Variants in DSCAML1 observed in about 807,000 individuals in gnomAD.
DSCAML1 encodes cell adhesion molecule DSCAML1.
In DSCAML1, 38 loss-of-function variants were observed where a neutral mutation model predicts 200.5. That is an observed-to-expected ratio of 0.19 (90% CI 0.15 to 0.25). The LOEUF (loss-of-function observed/expected upper bound fraction) is 0.25. Ranked by LOEUF, DSCAML1 falls within the 10% of genes least tolerant of loss-of-function variation. The pLI is 1.00. For synonymous variants in DSCAML1, 1,215 were observed against 1,165.0 expected (o/e 1.04, Z -0.87); for missense variants, 2,223 against 2,858.8 (o/e 0.78, Z 5.07).
chr11:117,814,202 C>T lies in DSCAML1; in HGVS notation c.-250+3188G>A, dbSNP rs889647380. ...CATTATCTTCCCAAATCCTATAAAA[C>T]GGCCCCACCCCTATCTCCCTTCGCT... On this transcript the variant is annotated intron_variant, in intron 1 of 2. Transcript: ENST00000525836. Among the ~76,000 whole-genome samples, 3 of 151,492 alleles carry T rather than the reference C, an allele frequency of 2.0e-5. No homozygotes were observed. In the East Asian group the frequency reaches 5.9e-4, roughly 30 times the overall value.
chr11:117,579,872 A>G (rs537781188), intron 3 of DSCAML1, among the ~76,000 whole-genome samples: 1 of 152,348 alleles, frequency 6.6e-6, no homozygotes, highest in South Asian at 2.1e-4. Context: ...ATCTTTAATA[A>G]TTAATTTTGT....
At chr11:117,760,330 G>A (rs573611353) in intron 3 of DSCAML1, among the ~76,000 whole-genome samples, 7 of 152,272 alleles carry the variant, frequency 4.6e-5, no homozygotes, top group African/African-American at 7.2e-5. Context: ...CCAGCCCATC[G>A]CCTCCTCCTC....
At chr11:117,744,650 G>C (rs2054483668) in intron 3 of DSCAML1, among the ~76,000 whole-genome samples, 1 of 152,234 alleles carries the variant, frequency 6.6e-6, no homozygotes, top group Non-Finnish European at 1.5e-5. Flanking sequence ...CCAGTAGCCA[G>C]AGCCCCGGGG....
chr11:117,476,178 AG>A (rs2048788113), intron 14 of DSCAML1, among the ~76,000 whole-genome samples: 1 of 152,198 alleles, frequency 6.6e-6, no homozygotes, highest in South Asian at 2.1e-4. Context: ...CTTAAAAATA[AG>A]GAAGCGGCTG....
In DSCAML1 at chr11:117,469,494, C is replaced by T. The variant is rs1024599999; in HGVS notation, c.3024+416G>A. On this transcript the variant is annotated intron_variant, in intron 16 of 32. Coordinates refer to ENST00000651296, the MANE Select transcript of DSCAML1 (RefSeq NM_020693.4). The surrounding 1 kb of genome is among the most constrained non-coding windows in gnomAD (Gnocchi z 4.1). ...TAGTGGTCTCTTTTCTCTACAGTTT[C>T]TCCACCCTCAGAGGTAGGGAGGGCA... Among the ~76,000 whole-genome samples the T allele has an allele frequency of 6.6e-6, 1 of 152,178 alleles. No individual in the cohort carries two copies. Among genetic ancestry groups the T allele is most frequent in the Non-Finnish European group, 1.5e-5 (1 of 68,024 alleles).
chr11:117,739,676 C>G (rs567206009), intron 3 of DSCAML1, among the ~76,000 whole-genome samples: 5 of 152,308 alleles, frequency 3.3e-5, no homozygotes, highest in African/African-American at 1.2e-4. Flanking sequence ...CTGTACGACT[C>G]AAAGGCAACA....
chr11:117,505,084 C>T lies in DSCAML1; in HGVS notation c.2063-41G>A, dbSNP rs932703330. On this transcript the variant is annotated intron_variant, in intron 9 of 32. Coordinates refer to ENST00000651296, the MANE Select transcript of DSCAML1 (RefSeq NM_020693.4). The surrounding 1 kb of genome is among the most constrained non-coding windows in gnomAD (Gnocchi z 6.7). ...AGGTAGGGAAACAGACCATTTTAGT[C>T]TCTGATGGGTCTCCTAGGGCTTCGA... 1 of 1,594,212 alleles carries T rather than the reference C, an allele frequency of 6.3e-7. No homozygotes were observed. Among genetic ancestry groups the T allele is most frequent in the Non-Finnish European group, 8.6e-7 (1 of 1,166,874 alleles).
intron 3 of DSCAML1, among the ~76,000 whole-genome samples, chr11:117,761,159 AGAG>A (rs2054794596): frequency 6.6e-6 from 1 of 152,150 alleles, no homozygotes; most frequent in Admixed American, 6.5e-5. Flanking sequence ...CCCAGCCTCC[AGAG>A]GAGGTCTCAC....
intron 3 of DSCAML1, among the ~76,000 whole-genome samples, chr11:117,575,922 C>T (rs1565800142): frequency 6.6e-6 from 1 of 152,128 alleles, no homozygotes; most frequent in Non-Finnish European, 1.5e-5. Context: ...AGGCTTGGGC[C>T]CACACTGCTG....
chr11:117,602,268 T>G (rs1377526719), intron 3 of DSCAML1, among the ~76,000 whole-genome samples: 4 of 152,186 alleles, frequency 2.6e-5, no homozygotes, highest in African/African-American at 7.2e-5. Flanking sequence ...CGACGGGCCC[T>G]GGGCACACGT....
intron 3 of DSCAML1, among the ~76,000 whole-genome samples, chr11:117,604,846 C>T (rs544511858): frequency 7.2e-5 from 11 of 152,272 alleles, no homozygotes; most frequent in Admixed American, 3.9e-4. Context: ...TCCTTGGCAA[C>T]GGGGCCTGTC....
At chr11:117,729,131 A>T (rs1016939260) in intron 3 of DSCAML1, among the ~76,000 whole-genome samples, 1 of 152,206 alleles carries the variant, frequency 6.6e-6, no homozygotes, top group African/African-American at 2.4e-5. Context: ...GGGTCAACTG[A>T]TTTTTGACAA....
chr11:117,466,022 G>C (rs1049292515), intron 16 of DSCAML1, among the ~76,000 whole-genome samples: 5 of 152,208 alleles, frequency 3.3e-5, no homozygotes, highest in Non-Finnish European at 5.9e-5. Context: ...CGCTACCATG[G>C]AAAAGAGTTT....
At chr11:117,801,924 G>T (rs1448630746), upstream of DSCAML1, 1 of 152,222 alleles carries the variant, frequency 6.6e-6, no homozygotes, top group African/African-American at 2.4e-5. Context: ...TCACAACTCT[G>T]AAATCGGTTG....
At chr11:117,579,163 T>C (rs2051000773) in intron 3 of DSCAML1, among the ~76,000 whole-genome samples, 1 of 152,208 alleles carries the variant, frequency 6.6e-6, no homozygotes, top group Non-Finnish European at 1.5e-5. Flanking sequence ...TGCAGCCCAA[T>C]GTTCTCTCTG....
chr11:117,737,187 G>A (rs74712460), intron 3 of DSCAML1, among the ~76,000 whole-genome samples: 1,825 of 152,252 alleles, frequency 0.012, 37 homozygotes, highest in African/African-American at 0.039. Context: ...AACCTTCCTG[G>A]GTTTCAGCTC....
At chr11:117,523,807 C>T (rs747583771) in intron 5 of DSCAML1, among the ~76,000 whole-genome samples, 12 of 152,188 alleles carry the variant, frequency 7.9e-5, no homozygotes, top group Non-Finnish European at 1.3e-4. Flanking sequence ...CACCTCTGGA[C>T]GTTCTCTTTC....
chr11:117,542,327 C>CAACAACAACAACA (rs11432643), intron 3 of DSCAML1, among the ~76,000 whole-genome samples: 9 of 129,808 alleles, frequency 6.9e-5, no homozygotes, highest in East Asian at 2.2e-4. Flanking sequence ...CAAAACAAAA[C>CAACAACAACAACA]ACAAAAACAA....
chr11:117,453,497 G>A (rs1265838564), intron 19 of DSCAML1, among the ~76,000 whole-genome samples: 1 of 152,082 alleles, frequency 6.6e-6, no homozygotes, highest in African/African-American at 2.4e-5. Flanking sequence ...TAATCATGAA[G>A]AATAGTTTTG....
Sources: gnomAD v4.1 joint callset for allele counts (sites outside exome capture counted in the v4.1 genomes callset) on GRCh38, gnomAD v4.1.1 for gene constraint, Gnocchi (gnomAD v3.1) non-coding constraint, MANE v1.5 for transcripts, NCBI Gene and HGNC (gene_info 2026-07-23, HGNC 2026-07-21) for gene names.